NCK2: variants seen among roughly 807,000 people sequenced by gnomAD.
NCK2 encodes NCK adaptor protein 2.
Under a neutral mutation model 33.9 loss-of-function variants are expected in NCK2, and 16 were observed. The observed-to-expected ratio is 0.47, with a 90% CI of 0.32 to 0.72. NCK2 has a LOEUF of 0.72. NCK2 is among the 30% of genes least tolerant of loss of function. The probability of loss-of-function intolerance (pLI) is 0.03; values close to 1 mark genes in which losing one functional copy is unlikely to be tolerated. For synonymous variants in NCK2, 273 were observed against 239.9 expected (o/e 1.14, Z -1.27); for missense variants, 418 against 537.3 (o/e 0.78, Z 2.19).
intron 2 of NCK2, among the ~76,000 whole-genome samples, chr2:105,828,212 T>C (rs1324523150): frequency 6.6e-6 from 1 of 152,106 alleles, no homozygotes; most frequent in East Asian, 1.9e-4. Flanking sequence ...GATGAATAAG[T>C]CATAAAAGGA....
At chr2:105,844,329 C>T (rs151032424) in intron 2 of NCK2, among the ~76,000 whole-genome samples, 1,928 of 152,204 alleles carry the variant, frequency 0.013, 21 homozygotes, top group Non-Finnish European at 0.019. Context: ...TCTGAATAAA[C>T]CATGAACTTT....
chr2:105,848,363 C>T (rs547784381), intron 2 of NCK2: 5 of 152,310 alleles, frequency 3.3e-5, no homozygotes, highest in African/African-American at 4.8e-5. Context: ...TCAGTGTCCA[C>T]AGAGGAAACC....
intron 1 of NCK2, among the ~76,000 whole-genome samples, chr2:105,770,523 T>C (rs1478215084): frequency 6.6e-6 from 1 of 152,216 alleles, no homozygotes; most frequent in Non-Finnish European, 1.5e-5. Flanking sequence ...CTGATCATAT[T>C]TAAAATCATT....
chr2:105,790,327 G>A (rs534033589), intron 1 of NCK2, among the ~76,000 whole-genome samples: 4 of 152,270 alleles, frequency 2.6e-5, no homozygotes, highest in Non-Finnish European at 4.4e-5. Flanking sequence ...TTGCCCTGCT[G>A]ACTCAGAGTG....
chr2:105,785,222 C>G (rs986293492), intron 1 of NCK2, among the ~76,000 whole-genome samples: 3 of 152,320 alleles, frequency 2.0e-5, no homozygotes, highest in Non-Finnish European at 2.9e-5. Context: ...TCATGATCCG[C>G]CCATCTCGGC....
At chr2:105,766,264 T>C (rs1689944639) in intron 1 of NCK2, among the ~76,000 whole-genome samples, 2 of 152,164 alleles carry the variant, frequency 1.3e-5, no homozygotes. Flanking sequence ...TGGGAGGGCC[T>C]GGAAGGTGGG....
intron 3 of NCK2, among the ~76,000 whole-genome samples, chr2:105,880,107 G>A (rs2104655426): frequency 6.6e-6 from 1 of 152,230 alleles, no homozygotes; most frequent in Admixed American, 6.5e-5. Flanking sequence ...TTACCTTAGG[G>A]CTTTTCTAGC....
At chr2:105,783,170 G>C (rs1052577445) in intron 1 of NCK2, among the ~76,000 whole-genome samples, 2 of 152,228 alleles carry the variant, frequency 1.3e-5, no homozygotes, top group Non-Finnish European at 2.9e-5. Flanking sequence ...TGCCGCAGCA[G>C]CTGAGGAAGC....
chr2:105,764,925 A>G (rs1194447717), intron 1 of NCK2, among the ~76,000 whole-genome samples: 3 of 152,130 alleles, frequency 2.0e-5, no homozygotes, highest in African/African-American at 7.2e-5. Context: ...CCACACTTGC[A>G]TAAGTAGTGT....
At chr2:105,825,466 A>G (rs1675903942) in intron 2 of NCK2, among the ~76,000 whole-genome samples, 1 of 152,250 alleles carries the variant, frequency 6.6e-6, no homozygotes, top group Non-Finnish European at 1.5e-5. Context: ...ATGGAGAAGT[A>G]GGAAGCAGCA....
chr2:105,884,801 C>T (rs150460825), intron 4 of NCK2, among the ~76,000 whole-genome samples: 117 of 152,290 alleles, frequency 7.7e-4, no homozygotes, highest in African/African-American at 2.5e-3. Flanking sequence ...TCCATTTCTT[C>T]CTCCTCCCTC....
chr2:105,847,631 A>G (rs1206624907), intron 2 of NCK2, among the ~76,000 whole-genome samples: 1 of 152,136 alleles, frequency 6.6e-6, no homozygotes, highest in Non-Finnish European at 1.5e-5. Flanking sequence ...GCCTGGTGGG[A>G]CACGCAGGGT....
At position 105,893,237 on chromosome 2, in the gene NCK2, G is replaced by A. The variant is rs1679071378; in HGVS notation, c.*61G>A. The A allele has an allele frequency of 6.8e-7, 1 of 1,478,150 alleles. No homozygotes were observed. Among genetic ancestry groups the A allele is most frequent in the African/African-American group, 1.4e-5 (1 of 71,200 alleles). The allele number at this position is 1,478,150 out of a possible 1,614,324, so 91.6% of individuals were successfully genotyped here. ...ACGGTGGAGCTGCCCGCCCGGCCTT[G>A]TGGCAGAGGCTCCTCCCGCGGGGAC... On this transcript the variant is annotated 3_prime_UTR_variant, in exon 5 of 5. Transcript: ENST00000233154.
At chr2:105,855,455 AAG>A (rs1183678441) in intron 3 of NCK2, 166 bp downstream of exon 3, 1 of 598,060 alleles carries the variant, frequency 1.7e-6, no homozygotes, top group Non-Finnish European at 2.9e-6. Context: ...AAGATGGAGA[AAG>A]AGGATGTTTT....
chr2:105,819,049 A>G (rs1165788504), intron 2 of NCK2, among the ~76,000 whole-genome samples: 1 of 152,152 alleles, frequency 6.6e-6, no homozygotes, highest in Admixed American at 6.5e-5. Context: ...AGAAAATGCC[A>G]TATTGTCCCG....
intron 1 of NCK2, among the ~76,000 whole-genome samples, chr2:105,750,910 G>A (rs1280846033): frequency 2.0e-5 from 3 of 152,226 alleles, no homozygotes; most frequent in Non-Finnish European, 2.9e-5. Context: ...CCATCTCTGT[G>A]ATCGTGCAGT....
intron 3 of NCK2, among the ~76,000 whole-genome samples, chr2:105,871,925 G>A (rs1421276599): frequency 6.6e-6 from 1 of 152,212 alleles, no homozygotes; most frequent in Non-Finnish European, 1.5e-5. Context: ...AACCTGAAGG[G>A]ACAGTTTTGG....
upstream of NCK2, chr2:105,744,882 G>A: frequency 6.2e-6 from 1 of 161,036 alleles, no homozygotes; most frequent in Non-Finnish European, 1.3e-5. Context: ...CGCCGCCGCC[G>A]CCGCCGCCGC....
At chr2:105,885,378 T>A (rs1007506339) in intron 4 of NCK2, among the ~76,000 whole-genome samples, 5 of 152,240 alleles carry the variant, frequency 3.3e-5, no homozygotes, top group African/African-American at 9.6e-5. Flanking sequence ...TTCTCTTTTT[T>A]AAAATATATG....
Sources: allele counts gnomAD v4.1 joint callset (sites outside exome capture counted in the v4.1 genomes callset), GRCh38; gene constraint gnomAD v4.1.1; transcripts MANE v1.5; gene names NCBI Gene and HGNC (gene_info 2026-07-23, HGNC 2026-07-21).